MTRF1: variants seen among roughly 807,000 people sequenced by gnomAD.
MTRF1 encodes the protein peptide chain release factor 1, mitochondrial.
Under a neutral mutation model 62.9 loss-of-function variants are expected in MTRF1, and 51 were observed. That is an observed-to-expected ratio of 0.81 (90% CI 0.65 to 1.02). The LOEUF is 1.02. MTRF1 is among the 50% of genes least tolerant of loss of function. The probability of loss-of-function intolerance (pLI) is 0.00; values close to 1 mark genes in which losing one functional copy is unlikely to be tolerated. For synonymous variants in MTRF1, 158 were observed against 181.9 expected (o/e 0.87, Z 1.06); for missense variants, 446 against 530.0 (o/e 0.84, Z 1.56).
At chr13:41,262,706 GTC>G (rs1473262783) in intron 1 of MTRF1, among the ~76,000 whole-genome samples, 5 of 152,146 alleles carry the variant, frequency 3.3e-5, no homozygotes, top group African/African-American at 1.2e-4. Context: ...TGCACCTATT[GTC>G]CCAGCTACCC....
chr13:41,254,507 T>C lies in MTRF1; in HGVS notation c.507+22A>G, dbSNP rs184622461. 421 of 1,581,208 alleles carry C rather than the reference T, an allele frequency of 2.7e-4. No individual in the cohort carries two copies. The African/African-American group carries it at 4.8e-3, about 18-fold the overall frequency. ...TTCCTTTATACAGCACTATTGAAACTAGTCGACCTCTGAAAACCTACCTCA... is the reference window on the plus strand; with the variant it reads ...TTCCTTTATACAGCACTATTGAAACCAGTCGACCTCTGAAAACCTACCTCA... On this transcript the variant is annotated intron_variant, in intron 3 of 9. Coordinates refer to ENST00000379480, the MANE Select transcript of MTRF1 (RefSeq NM_004294.4).
chr13:41,232,473 A>C (rs985374148), intron 7 of MTRF1, among the ~76,000 whole-genome samples: 1 of 152,220 alleles, frequency 6.6e-6, no homozygotes, highest in Non-Finnish European at 1.5e-5. Flanking sequence ...TGAGTCTCTA[A>C]ACTGAAAGCA....
the MTRF1 span, among the ~76,000 whole-genome samples, chr13:41,300,031 G>T: frequency 1.3e-5 from 2 of 152,164 alleles, no homozygotes; most frequent in Non-Finnish European, 2.9e-5. Context: ...AGAGATCGTT[G>T]TTGACTCCAG....
At chr13:41,304,207 C>G in the MTRF1 span, among the ~76,000 whole-genome samples, 4 of 152,124 alleles carry the variant, frequency 2.6e-5, no homozygotes, top group Admixed American at 1.3e-4. Flanking sequence ...AGATTAAGGA[C>G]CTTGTGGACT....
At position 41,220,682 on chromosome 13, in the gene MTRF1, G is replaced by A. The variant is rs1414228624; in HGVS notation, c.1224+2574C>T. Reference sequence around the variant, plus strand: ...AAATGTAGGGACTCATATCATCAGGGTTCTTTCTGTCTATTTCTCATTTTT... The same window carrying A: ...AAATGTAGGGACTCATATCATCAGGATTCTTTCTGTCTATTTCTCATTTTT... On this transcript the variant is annotated intron_variant, in intron 9 of 9. Transcript: ENST00000379480. 6 of 964,802 alleles carry A rather than the reference G, an allele frequency of 6.2e-6. No individual in the cohort carries two copies. In the South Asian group the frequency reaches 6.8e-5, roughly 11 times the overall value. The allele number at this position is 964,802 out of a possible 1,614,324, so 59.8% of individuals were successfully genotyped here. A position where few individuals can be genotyped will look rare whatever the true frequency, so the allele number is the denominator to read the frequency against.
chr13:41,223,877 C>A (rs2033885375), intron 8 of MTRF1, among the ~76,000 whole-genome samples: 1 of 152,158 alleles, frequency 6.6e-6, no homozygotes, highest in Non-Finnish European at 1.5e-5. Flanking sequence ...GGACTCATTA[C>A]TTTCACCTAC....
At chr13:41,227,742 A>T (rs1008730526) in intron 7 of MTRF1, among the ~76,000 whole-genome samples, 6 of 152,228 alleles carry the variant, frequency 3.9e-5, no homozygotes, top group Non-Finnish European at 5.9e-5. Context: ...TTTGCTGGAG[A>T]TGTAAAGAAT....
the MTRF1 span, among the ~76,000 whole-genome samples, chr13:41,307,122 T>C: frequency 1.3e-5 from 2 of 152,100 alleles, no homozygotes; most frequent in African/African-American, 4.8e-5. Flanking sequence ...TTCTTTTCTA[T>C]TCCCTCCCTC....
chr13:41,288,137 T>C, the MTRF1 span: 1 of 508,614 alleles, frequency 2.0e-6, no homozygotes, highest in Non-Finnish European at 4.0e-6. Context: ...ATAATCTTCT[T>C]GTCCAGATGT....
chr13:41,291,899 G>T, the MTRF1 span, among the ~76,000 whole-genome samples: 2 of 152,026 alleles, frequency 1.3e-5, no homozygotes, highest in African/African-American at 4.8e-5. Flanking sequence ...CCATTAAAAT[G>T]GAACACTTAA....
the MTRF1 span, among the ~76,000 whole-genome samples, chr13:41,300,565 G>A: frequency 1.4e-5 from 2 of 145,626 alleles, no homozygotes; most frequent in East Asian, 2.0e-4. Context: ...CAGCCTGGGC[G>A]ACACAGCAAG....
At chr13:41,242,235 G>A (rs1395918743) in intron 5 of MTRF1, among the ~76,000 whole-genome samples, 1 of 152,060 alleles carries the variant, frequency 6.6e-6, no homozygotes, top group Non-Finnish European at 1.5e-5. Flanking sequence ...CATCTAGCAC[G>A]TTTAAATCAA....
intron 8 of MTRF1, among the ~76,000 whole-genome samples, chr13:41,224,890 A>G (rs1203146486): frequency 2.0e-5 from 3 of 152,196 alleles, no homozygotes; most frequent in African/African-American, 7.2e-5. Flanking sequence ...CAATTTGCAT[A>G]AAGCCAATCT....
chr13:41,296,152 C>T, the MTRF1 span, among the ~76,000 whole-genome samples: 1 of 152,074 alleles, frequency 6.6e-6, no homozygotes, highest in Non-Finnish European at 1.5e-5. Context: ...CCCTATGTTG[C>T]CCAATCTGGC....
intron 2 of MTRF1, among the ~76,000 whole-genome samples, chr13:41,259,962 G>T (rs2040246956): frequency 1.3e-5 from 2 of 152,122 alleles, no homozygotes; most frequent in Non-Finnish European, 2.9e-5. Flanking sequence ...CTAGTATGTA[G>T]GTACAGTGTT....
At chr13:41,239,338 T>C (rs2037158770) in intron 6 of MTRF1, among the ~76,000 whole-genome samples, 1 of 152,198 alleles carries the variant, frequency 6.6e-6, no homozygotes, top group African/African-American at 2.4e-5. Context: ...TTAGTTTTCA[T>C]AGGTAATGGT....
chr13:41,238,065 A>T (rs2036949740), intron 6 of MTRF1, among the ~76,000 whole-genome samples: 1 of 152,182 alleles, frequency 6.6e-6, no homozygotes, highest in Admixed American at 6.5e-5. Context: ...TGAAACTTTG[A>T]TTTCAAAACA....
At chr13:41,281,187 T>C in the MTRF1 span, among the ~76,000 whole-genome samples, 24 of 152,234 alleles carry the variant, frequency 1.6e-4, no homozygotes, top group Admixed American at 1.6e-3. Context: ...TTTCTCTGTT[T>C]TAGACAACCA....
chr13:41,224,314 C>T (rs1194104879), intron 8 of MTRF1, among the ~76,000 whole-genome samples: 2 of 152,148 alleles, frequency 1.3e-5, no homozygotes, highest in Non-Finnish European at 2.9e-5. Flanking sequence ...TATTTGCATT[C>T]TTCTTAGTCT....
Sources: gnomAD v4.1 joint callset for allele counts (sites outside exome capture counted in the v4.1 genomes callset) on GRCh38, gnomAD v4.1.1 for gene constraint, MANE v1.5 for transcripts, NCBI Gene and HGNC (gene_info 2026-07-23, HGNC 2026-07-21) for gene names.